Variants in MAML3 observed in about 807,000 individuals in gnomAD.
MAML3 encodes mastermind like transcriptional coactivator 3.
MAML3 carries 27 observed loss-of-function variants against 101.9 expected under a neutral mutation model. The ratio of observed to expected loss-of-function variants is 0.27; its 90% confidence interval spans 0.20 to 0.37. The LOEUF (loss-of-function observed/expected upper bound fraction) is 0.37. Ranked by LOEUF, MAML3 falls within the 10% of genes least tolerant of loss-of-function variation. The pLI, the probability that MAML3 is intolerant of heterozygous loss-of-function variation, is 1.00. For missense variants in MAML3, 1,316 were observed against 1,444.9 expected (o/e 0.91, Z 1.45); for synonymous variants, 501 against 555.9 (o/e 0.90, Z 1.39).
chr4:140,113,209 G>A (rs1314064304), intron 1 of MAML3, among the ~76,000 whole-genome samples: 1 of 152,122 alleles, frequency 6.6e-6, no homozygotes, highest in Non-Finnish European at 1.5e-5. Flanking sequence ...AACCCAGGAG[G>A]CGGAGCTTGC....
intron 2 of MAML3, among the ~76,000 whole-genome samples, chr4:139,815,434 T>G (rs1005988319): frequency 1.1e-4 from 16 of 152,210 alleles, no homozygotes; most frequent in African/African-American, 3.4e-4. Flanking sequence ...AGATATGGAC[T>G]ATGACATTTG....
At chr4:139,959,460 G>C (rs1422209061) in intron 1 of MAML3, among the ~76,000 whole-genome samples, 2 of 152,190 alleles carry the variant, frequency 1.3e-5, no homozygotes, top group Non-Finnish European at 2.9e-5. Flanking sequence ...TTCATACTGG[G>C]TACTGCTCTA....
intron 1 of MAML3, among the ~76,000 whole-genome samples, chr4:139,966,647 T>G (rs1022438779): frequency 6.6e-6 from 1 of 152,230 alleles, no homozygotes; most frequent in African/African-American, 2.4e-5. Flanking sequence ...CCAGCGGATC[T>G]TCACAGTAAC....
At chr4:140,074,021 A>T (rs2110957839) in intron 1 of MAML3, among the ~76,000 whole-genome samples, 1 of 151,864 alleles carries the variant, frequency 6.6e-6, no homozygotes, top group East Asian at 1.9e-4. Context: ...AGTCCCATCT[A>T]CTCGGGAGGC....
chr4:140,152,064 C>G (rs1270090181), intron 1 of MAML3, among the ~76,000 whole-genome samples: 2 of 152,316 alleles, frequency 1.3e-5, no homozygotes, highest in South Asian at 2.1e-4. Flanking sequence ...TTGGCGCAAA[C>G]CCTGGGTATT....
chr4:140,070,623 C>T (rs1578669468), intron 1 of MAML3, among the ~76,000 whole-genome samples: 1 of 152,184 alleles, frequency 6.6e-6, no homozygotes, highest in African/African-American at 2.4e-5. Flanking sequence ...AAGTCAGAAT[C>T]ATAAAAACTC....
chr4:140,010,814 T>C (rs1215627931), intron 1 of MAML3, among the ~76,000 whole-genome samples: 4 of 152,038 alleles, frequency 2.6e-5, no homozygotes, highest in South Asian at 2.1e-4. Flanking sequence ...TTAAACAATA[T>C]ACATGAGGCC....
intron 2 of MAML3, among the ~76,000 whole-genome samples, chr4:139,867,968 A>G (rs1409160939): frequency 4.6e-5 from 7 of 152,162 alleles, no homozygotes; most frequent in Non-Finnish European, 1.0e-4. Context: ...ATTCTTCTGG[A>G]ATTGAGTTCT....
intron 1 of MAML3, among the ~76,000 whole-genome samples, chr4:140,067,014 G>C (rs932128314): frequency 6.6e-6 from 1 of 152,156 alleles, no homozygotes; most frequent in Non-Finnish European, 1.5e-5. Flanking sequence ...ACTTCTACGA[G>C]CAACCGCAAC....
At position 139,720,165 on chromosome 4, in the gene MAML3, C is replaced by T. The variant is rs1265603472; in HGVS notation, c.2575G>A (p.Ala859Thr). The change falls in exon 5 of 5, where the codon GCC becomes ACC. Residue 859 changes from alanine to threonine, a missense_variant. Physicochemically the swap from Ala to Thr is moderately conservative, Grantham distance 58 (BLOSUM62 0). Coordinates refer to ENST00000509479, the MANE Select transcript of MAML3 (RefSeq NM_018717.5). The stretch of plus-strand genomic sequence containing the variant: ...CTGGTAGGCGTGGTGCTATAAGGGG[C>T]CAGTCCCATCTCCGACTGCGCAGCT... The part of the protein sequence containing the change: ...TAAAQSEMGL[A>T]PYSTTPTSQP... The T allele has an allele frequency of 6.2e-7, 1 of 1,613,930 alleles. No individual in the cohort carries two copies. Among genetic ancestry groups the T allele is most frequent in the African/African-American group, 1.3e-5 (1 of 74,940 alleles).
intron 1 of MAML3, among the ~76,000 whole-genome samples, chr4:140,144,298 A>G (rs542875993): frequency 2.0e-5 from 3 of 152,176 alleles, no homozygotes; most frequent in African/African-American, 7.2e-5. Context: ...TGTAATCCCA[A>G]CACTTTGGAA....
At chr4:139,854,296 C>T (rs1578631911) in intron 2 of MAML3, among the ~76,000 whole-genome samples, 2 of 151,980 alleles carry the variant, frequency 1.3e-5, no homozygotes, top group South Asian at 4.2e-4. Flanking sequence ...ACAGCTTCCT[C>T]AGTTCTCAGT....
At chr4:139,792,921 T>C (rs1417108705) in intron 2 of MAML3, among the ~76,000 whole-genome samples, 1 of 152,072 alleles carries the variant, frequency 6.6e-6, no homozygotes, top group Non-Finnish European at 1.5e-5. Flanking sequence ...ATTTTTTTTG[T>C]ATTTTTAGTA....
chr4:139,994,971 T>A (rs1486943703), intron 1 of MAML3, among the ~76,000 whole-genome samples: 1 of 152,164 alleles, frequency 6.6e-6, no homozygotes, highest in Non-Finnish European at 1.5e-5. Flanking sequence ...TTCCCTGCCT[T>A]AGTGGGAAAC....
rs192290676 is a variant in MAML3, at chr4:139,976,510, A to G, written c.469-85543T>C. Among the ~76,000 whole-genome samples the G allele has an allele frequency of 1.8e-4, 27 of 152,350 alleles. No individual in the cohort carries two copies. The East Asian group carries it at 5.2e-3, about 29-fold the overall frequency. ...TTTAGAAATTATGAAGGCATAGTACATTAACATCCAGTCATCCAATATTAC... is the reference window on the plus strand; with the variant it reads ...TTTAGAAATTATGAAGGCATAGTACGTTAACATCCAGTCATCCAATATTAC... On this transcript the variant is annotated intron_variant, in intron 1 of 4. Coordinates refer to ENST00000509479, the MANE Select transcript of MAML3 (RefSeq NM_018717.5).
At chr4:139,914,948 A>G (rs1235602476) in intron 1 of MAML3, among the ~76,000 whole-genome samples, 2 of 152,058 alleles carry the variant, frequency 1.3e-5, no homozygotes, top group South Asian at 2.1e-4. Context: ...TTGAATATCA[A>G]AAGTCAGGTT....
At chr4:139,899,362 TG>T (rs1365183101) in intron 1 of MAML3, among the ~76,000 whole-genome samples, 8 of 152,360 alleles carry the variant, frequency 5.3e-5, no homozygotes, top group Non-Finnish European at 1.0e-4. Context: ...AGAAGCTTGC[TG>T]GATTTCTAGA....
chr4:139,924,708 A>G (rs1733187444), intron 1 of MAML3, among the ~76,000 whole-genome samples: 1 of 152,162 alleles, frequency 6.6e-6, no homozygotes, highest in East Asian at 1.9e-4. Context: ...ACTTCTCTCA[A>G]AGAGGGGTGG....
chr4:139,942,897 C>T (rs1458695410), intron 1 of MAML3, among the ~76,000 whole-genome samples: 1 of 152,124 alleles, frequency 6.6e-6, no homozygotes, highest in African/African-American at 2.4e-5. Flanking sequence ...ACATTTTCTG[C>T]TCTGTTCTAT....
Sources: gnomAD v4.1 joint callset for allele counts (sites outside exome capture counted in the v4.1 genomes callset) on GRCh38, gnomAD v4.1.1 for gene constraint, MANE v1.5 for transcripts, NCBI Gene and HGNC (gene_info 2026-07-23, HGNC 2026-07-21) for gene names.